The following CDH13 variants were observed in gnomAD, a reference collection of about 807,000 sequenced individuals.
The protein encoded by CDH13 is cadherin-13.
In CDH13, 24 loss-of-function variants were observed where a neutral mutation model predicts 63.8. The ratio of observed to expected loss-of-function variants is 0.38; its 90% CI spans 0.27 to 0.53. CDH13 has a LOEUF of 0.53. Ranked by LOEUF, CDH13 falls within the 20% of genes least tolerant of loss-of-function variation. CDH13 has a pLI of 0.85. For synonymous variants in CDH13, 503 were observed against 355.3 expected (o/e 1.42, Z -4.67); for missense variants, 1,049 against 903.1 (o/e 1.16, Z -2.07).
At chr16:83,748,275 A>C in intron 11 of CDH13, 25 bp downstream of exon 11, 1 of 1,572,118 alleles carries the variant, frequency 6.4e-7, no homozygotes, top group Non-Finnish European at 8.7e-7. Context: ...AAGACCATCA[A>C]GGGTATACTT....
intron 6 of CDH13, among the ~76,000 whole-genome samples, chr16:83,415,435 A>G (rs1415658953): frequency 6.6e-6 from 1 of 152,120 alleles, no homozygotes; most frequent in African/African-American, 2.4e-5. Flanking sequence ...TATTACCCTG[A>G]CACCAAAGCC....
At chr16:82,822,398 C>T (rs535458333) in intron 1 of CDH13, among the ~76,000 whole-genome samples, 22 of 152,168 alleles carry the variant, frequency 1.4e-4, no homozygotes, top group Admixed American at 3.9e-4. Context: ...TATATTACTG[C>T]CTGTCTTTGA....
At chr16:83,755,384 AT>A (rs894651514) in intron 11 of CDH13, among the ~76,000 whole-genome samples, 2 of 152,186 alleles carry the variant, frequency 1.3e-5, no homozygotes, top group Non-Finnish European at 2.9e-5. Context: ...AGAAAAAAAA[AT>A]TTGAAGATGT....
chr16:83,270,923 C>G (rs566552569), intron 5 of CDH13, among the ~76,000 whole-genome samples: 1 of 148,830 alleles, frequency 6.7e-6, no homozygotes, highest in Admixed American at 6.7e-5. Context: ...TCCCTCACTC[C>G]TTTCCTTTCT....
At position 83,471,435 on chromosome 16, in the gene CDH13, C is replaced by T. The variant is rs546426969; in HGVS notation, c.782-15042C>T. 8.5e-5 allele frequency among the ~76,000 whole-genome samples: 13 copies of T among 152,174 alleles called. No individual in the cohort carries two copies. In the South Asian group the frequency reaches 1.7e-3, roughly 19 times the overall value. On this transcript the variant is annotated intron_variant, in intron 6 of 13. Transcript: ENST00000567109. ...GACTACAGGTGGCTGCCACAGCGCC[C>T]GGCTAATTTTTTGTATTTTTAGTAC...
chr16:83,085,679 C>T (rs998571880), intron 3 of CDH13, among the ~76,000 whole-genome samples: 7 of 152,160 alleles, frequency 4.6e-5, no homozygotes, highest in African/African-American at 1.4e-4. Context: ...ACAAGCTCTA[C>T]AGCAAGAAGA....
Position 83,798,843 on chromosome 16 carries a change from C to A in CDH13, c.*3813C>A, listed in dbSNP as rs1365871026. On this transcript the variant is annotated 3_prime_UTR_variant, in exon 14 of 14. Coordinates refer to ENST00000567109, the MANE Select transcript of CDH13 (RefSeq NM_001257.5). ...TACCTATTATTAAGTTCATGCTATA[C>A]TTCTTCAATCTGAAAGCTTTCTGTT... The A allele has an allele frequency of 6.7e-6, 1 of 148,228 alleles. No individual in the cohort carries two copies. Among genetic ancestry groups the A allele is most frequent in the Non-Finnish European group, 1.5e-5 (1 of 67,126 alleles). The allele number at this position is 148,228 out of a possible 1,614,324, so 9.2% of individuals were successfully genotyped here. A position where few individuals can be genotyped will look rare whatever the true frequency, so the allele number is the denominator to read the frequency against.
chr16:82,888,334 A>G (rs2040962506), intron 2 of CDH13, among the ~76,000 whole-genome samples: 1 of 152,202 alleles, frequency 6.6e-6, no homozygotes, highest in African/African-American at 2.4e-5. Context: ...GAATATTGTG[A>G]AGCTGCTGGA....
intron 1 of CDH13, among the ~76,000 whole-genome samples, chr16:82,679,584 C>T (rs1271890973): frequency 2.0e-5 from 3 of 152,192 alleles, no homozygotes; most frequent in South Asian, 2.1e-4. Flanking sequence ...TATGAACTCA[C>T]TCACGCTCCT....
At chr16:83,401,451 G>A (rs1228705126) in intron 6 of CDH13, among the ~76,000 whole-genome samples, 2 of 152,242 alleles carry the variant, frequency 1.3e-5, no homozygotes, top group African/African-American at 2.4e-5. Context: ...GGCAGAGGTT[G>A]CAGTGAGCTG....
intron 3 of CDH13, among the ~76,000 whole-genome samples, chr16:83,122,304 T>G (rs1171636133): frequency 6.6e-6 from 1 of 152,232 alleles, no homozygotes; most frequent in Non-Finnish European, 1.5e-5. Context: ...TAGCTCAAAT[T>G]TAATGGTGTC....
intron 1 of CDH13, among the ~76,000 whole-genome samples, chr16:82,785,772 A>G (rs531290209): frequency 6.6e-6 from 1 of 152,230 alleles, no homozygotes; most frequent in Non-Finnish European, 1.5e-5. Context: ...ATTGTTATAT[A>G]TAAAGTCGCG....
At chr16:83,236,901 C>T (rs1173578696) in intron 5 of CDH13, among the ~76,000 whole-genome samples, 3 of 151,962 alleles carry the variant, frequency 2.0e-5, no homozygotes, top group African/African-American at 7.3e-5. Flanking sequence ...GGTGGTTCTA[C>T]AACATCATGA....
Position 82,968,495 on chromosome 16 carries a change from G to T in CDH13, c.158-63515G>T, listed in dbSNP as rs185089513. Among the ~76,000 whole-genome samples, 309 of 152,304 alleles carry T rather than the reference G, an allele frequency of 2.0e-3. 2 individuals are homozygous for T. Among genetic ancestry groups the T allele is most frequent in the Middle Eastern group, 0.017 (5 of 294 alleles). On this transcript the variant is annotated intron_variant, in intron 2 of 13. Coordinates refer to ENST00000567109, the MANE Select transcript of CDH13 (RefSeq NM_001257.5). ...AAGCATACTCATGGCCCTGCCAGCG[G>T]CTTGGAGACATAAGGGAGGTAAACT...
intron 8 of CDH13, among the ~76,000 whole-genome samples, chr16:83,616,566 T>C (rs554902982): frequency 6.6e-6 from 1 of 152,058 alleles, no homozygotes; most frequent in East Asian, 1.9e-4. Context: ...TATTCAAAGA[T>C]AATATCCTCA....
chr16:83,296,421 G>A (rs1156544135), intron 5 of CDH13, among the ~76,000 whole-genome samples: 1 of 152,136 alleles, frequency 6.6e-6, no homozygotes, highest in Admixed American at 6.5e-5. Flanking sequence ...TTCATGGTAG[G>A]GAAGAATAAG....
intron 3 of CDH13, among the ~76,000 whole-genome samples, chr16:83,080,871 G>GTTTTTTTTTGTTTTTTTTTTTTTTT (rs2033184696): frequency 2.1e-5 from 1 of 46,928 alleles, no homozygotes; most frequent in African/African-American, 9.3e-5. Flanking sequence ...TTGTTTTTGT[G>GTTTTTTTTTGTTTTTTTTTTTTTTT]TTTTTTTTTT....
rs147765419 is a variant in CDH13, at chr16:83,276,332, G to C, written c.636+58835G>C. 5.7e-3 allele frequency among the ~76,000 whole-genome samples: 860 copies of C among 152,186 alleles called. 5 individuals carry two copies. The highest frequency in any genetic ancestry group is 0.02 in the African/African-American group (818 of 41,520). ...GATGGCCCCTCATTGAATAAGTTGAGGGTTTCCTCTTGTTCTCTGTCTTCT... is the reference window on the plus strand; with the variant it reads ...GATGGCCCCTCATTGAATAAGTTGACGGTTTCCTCTTGTTCTCTGTCTTCT... On this transcript the variant is annotated intron_variant, in intron 5 of 13. Coordinates refer to ENST00000567109, the MANE Select transcript of CDH13 (RefSeq NM_001257.5).
At chr16:82,753,800 C>T (rs1347078609) in intron 1 of CDH13, among the ~76,000 whole-genome samples, 1 of 152,212 alleles carries the variant, frequency 6.6e-6, no homozygotes, top group Non-Finnish European at 1.5e-5. Flanking sequence ...GGGTCCACCT[C>T]AGAAGCTGTC....
Sources: gnomAD v4.1 joint callset for allele counts (sites outside exome capture counted in the v4.1 genomes callset) on GRCh38, gnomAD v4.1.1 for gene constraint, MANE v1.5 for transcripts, NCBI Gene and HGNC (gene_info 2026-07-23, HGNC 2026-07-21) for gene names.